Variants in RAB2A observed in about 807,000 individuals in gnomAD.
RAB2A encodes ras-related protein Rab-2A.
A neutral mutation model predicts 32.5 loss-of-function variants in RAB2A; 7 were observed. The ratio of observed to expected loss-of-function variants is 0.22; its 90% CI spans 0.12 to 0.40. RAB2A has a LOEUF of 0.40. Among genes scored for constraint, RAB2A ranks in the 10% least tolerant of loss-of-function variants. The probability of loss-of-function intolerance (pLI) is 1.00; values close to 1 mark genes in which losing one functional copy is unlikely to be tolerated. For synonymous variants in RAB2A, 79 were observed against 85.2 expected (o/e 0.93, Z 0.40); for missense variants, 108 against 260.7 (o/e 0.41, Z 4.03).
chr8:60,520,258 CT>C (rs1807281212), intron 1 of RAB2A, among the ~76,000 whole-genome samples: 1 of 152,160 alleles, frequency 6.6e-6, no homozygotes, highest in Non-Finnish European at 1.5e-5. Context: ...GAGCTGTTTT[CT>C]TACTGTAAGA....
At chr8:60,584,114 C>A in intron 3 of RAB2A, 94 bp from the exon 4 acceptor site, 1 of 1,036,880 alleles carries the variant, frequency 9.6e-7, no homozygotes, top group Non-Finnish European at 1.5e-6. Context: ...TTATGCACTC[C>A]TTCCCTACCT....
At chr8:60,615,343 A>G (rs1303197286) in intron 6 of RAB2A, among the ~76,000 whole-genome samples, 1 of 152,258 alleles carries the variant, frequency 6.6e-6, no homozygotes, top group Non-Finnish European at 1.5e-5. Context: ...TTAAGAGAAT[A>G]GCTTAACCAT....
At chr8:60,595,672 C>T (rs990555999) in intron 6 of RAB2A, among the ~76,000 whole-genome samples, 1 of 152,072 alleles carries the variant, frequency 6.6e-6, no homozygotes, top group Non-Finnish European at 1.5e-5. Context: ...AATCAGCCCT[C>T]CAGAAAGATG....
chr8:60,577,788 G>A (rs1469706697), intron 3 of RAB2A, among the ~76,000 whole-genome samples: 1 of 127,538 alleles, frequency 7.8e-6, no homozygotes, highest in Non-Finnish European at 1.6e-5. Context: ...ACCACGCCCG[G>A]CTAATTTTTT....
At chr8:60,586,806 T>G (rs1466489857) in intron 5 of RAB2A, among the ~76,000 whole-genome samples, 1 of 151,962 alleles carries the variant, frequency 6.6e-6, no homozygotes. Context: ...GCACACGCCT[T>G]TAGCTCTACT....
chr8:60,557,729 CT>C (rs71252884), intron 1 of RAB2A, among the ~76,000 whole-genome samples: 6,026 of 144,600 alleles, frequency 0.042, 159 homozygotes, highest in Non-Finnish European at 0.062. Flanking sequence ...CCACACCCAT[CT>C]TTTTTTTTTT....
chr8:60,567,227 C>A (rs572904951), intron 2 of RAB2A, among the ~76,000 whole-genome samples: 1 of 151,148 alleles, frequency 6.6e-6, no homozygotes, highest in Non-Finnish European at 1.5e-5. Flanking sequence ...GTAATTCTTG[C>A]GCCTCAGCCT....
intron 5 of RAB2A, 142 bp from the exon 6 acceptor site, chr8:60,591,716 A>G: frequency 1.8e-6 from 1 of 557,514 alleles, no homozygotes. Context: ...CCCTCATAAT[A>G]CCCTGAATAA....
intron 2 of RAB2A, among the ~76,000 whole-genome samples, chr8:60,568,426 T>G (rs1808148607): frequency 6.6e-6 from 1 of 152,200 alleles, no homozygotes. Flanking sequence ...TAATATGGAA[T>G]AATAATAATT....
chr8:60,578,604 A>C (rs1397986934), intron 3 of RAB2A, among the ~76,000 whole-genome samples: 1 of 152,242 alleles, frequency 6.6e-6, no homozygotes, highest in Non-Finnish European at 1.5e-5. Flanking sequence ...TGAGACAAGT[A>C]GAGGTCTGAT....
intron 1 of RAB2A, among the ~76,000 whole-genome samples, chr8:60,530,239 C>T (rs1471383282): frequency 6.6e-6 from 1 of 151,272 alleles, no homozygotes; most frequent in Non-Finnish European, 1.5e-5. Flanking sequence ...ACCTCTGCCT[C>T]CTGGTTTCAA....
In RAB2A at chr8:60,621,707, C is replaced by A. The variant is rs1300729132; in HGVS notation, c.*938C>A. On this transcript the variant is annotated 3_prime_UTR_variant, in exon 8 of 8. Transcript: ENST00000262646. Reference sequence around the variant, plus strand: ...ATAATGTTTTCTTTTTTCTTTTATTCACATGATTTCTAAGTATATTTTTCA... The same window carrying A: ...ATAATGTTTTCTTTTTTCTTTTATTAACATGATTTCTAAGTATATTTTTCA... The A allele has an allele frequency of 6.6e-6, 1 of 151,958 alleles. No homozygotes were observed. The allele number at this position is 151,958 out of a possible 1,614,324, so 9.4% of individuals were successfully genotyped here. A position where few individuals can be genotyped will look rare whatever the true frequency, so the allele number is the denominator to read the frequency against.
intron 1 of RAB2A, among the ~76,000 whole-genome samples, chr8:60,554,225 C>A (rs948948899): frequency 6.6e-6 from 1 of 152,108 alleles, no homozygotes; most frequent in African/African-American, 2.4e-5. Flanking sequence ...AGATCTGGTT[C>A]TTAGTGAGAA....
intron 1 of RAB2A, among the ~76,000 whole-genome samples, chr8:60,546,034 T>C (rs1429190436): frequency 6.6e-6 from 1 of 152,210 alleles, no homozygotes; most frequent in South Asian, 2.1e-4. Context: ...ATAAATGTTG[T>C]AAAAACAGGC....
intron 1 of RAB2A, among the ~76,000 whole-genome samples, chr8:60,528,881 T>C (rs1468163638): frequency 2.0e-5 from 3 of 151,788 alleles, no homozygotes; most frequent in African/African-American, 7.3e-5. Context: ...TGGCTCCTGG[T>C]AATGATTTAA....
chr8:60,533,203 GAAT>G (rs1807504158), intron 1 of RAB2A, among the ~76,000 whole-genome samples: 1 of 152,154 alleles, frequency 6.6e-6, no homozygotes, highest in African/African-American at 2.4e-5. Context: ...GCGAACAAAA[GAAT>G]AAATGTGATG....
intron 3 of RAB2A, among the ~76,000 whole-genome samples, chr8:60,576,993 C>G (rs1311912993): frequency 6.6e-6 from 1 of 152,078 alleles, no homozygotes; most frequent in African/African-American, 2.4e-5. Context: ...GTTTTTCTTA[C>G]GTGGCAGCAC....
intron 6 of RAB2A, among the ~76,000 whole-genome samples, chr8:60,598,924 C>T (rs1344351671): frequency 9.7e-6 from 1 of 102,674 alleles, no homozygotes; most frequent in Admixed American, 1.5e-4. Flanking sequence ...AAGTTCTAGC[C>T]AGTGCAGTAA....
At chr8:60,556,153 G>C (rs1197990371) in intron 1 of RAB2A, among the ~76,000 whole-genome samples, 1 of 152,128 alleles carries the variant, frequency 6.6e-6, no homozygotes, top group Non-Finnish European at 1.5e-5. Context: ...ATAAGTAGTA[G>C]CTTAAAAAGT....
Sources: allele counts gnomAD v4.1 joint callset (sites outside exome capture counted in the v4.1 genomes callset), GRCh38; gene constraint gnomAD v4.1.1; transcripts MANE v1.5; gene names NCBI Gene and HGNC (gene_info 2026-07-23, HGNC 2026-07-21).